The following TPST2 variants were observed in gnomAD, a reference collection of about 807,000 sequenced individuals.
The protein encoded by TPST2 is tyrosylprotein sulfotransferase 2.
A neutral mutation model predicts 27.8 loss-of-function variants in TPST2; 16 were observed. The ratio of observed to expected loss-of-function variants is 0.58; its 90% CI spans 0.39 to 0.88. TPST2 has a LOEUF of 0.88. Ranked by LOEUF, TPST2 falls within the 40% of genes least tolerant of loss-of-function variation. The probability of loss-of-function intolerance (pLI) is 0.00; values close to 1 mark genes in which losing one functional copy is unlikely to be tolerated. For missense variants in TPST2, 464 were observed against 543.1 expected (o/e 0.85, Z 1.45); for synonymous variants, 229 against 231.7 (o/e 0.99, Z 0.10).
chr22:26,570,063 GAAGGAAAGAAAGAAA>G, intron 1 of TPST2, among the ~76,000 whole-genome samples: 1 of 142,284 alleles, frequency 7.0e-6, no homozygotes, highest in African/African-American at 2.6e-5. Context: ...AAGAAAGAAA[GAAGGAAAGAAAGAAA>G]GAAAGAAAAG....
intron 1 of TPST2, among the ~76,000 whole-genome samples, chr22:26,545,642 C>T (rs1926076829): frequency 6.6e-6 from 1 of 152,204 alleles, no homozygotes; most frequent in African/African-American, 2.4e-5. Flanking sequence ...CCTGTCAGTC[C>T]TGTTTCAGGA....
intron 1 of TPST2, among the ~76,000 whole-genome samples, chr22:26,574,783 G>C (rs1291209941): frequency 6.6e-6 from 1 of 152,004 alleles, no homozygotes; most frequent in Non-Finnish European, 1.5e-5. Context: ...CCCAACCATG[G>C]GCTGCACTGT....
At chr22:26,547,676 G>C (rs556263562) in intron 1 of TPST2, 20 of 152,286 alleles carry the variant, frequency 1.3e-4, no homozygotes, top group African/African-American at 3.4e-4. Flanking sequence ...AACCAAGCAG[G>C]GGGTGGTGCA....
At position 26,523,773 on chromosome 22, in the gene TPST2, G is replaced by C. The variant is rs1924679756; in HGVS notation, c.*2502C>G. 1 of 152,058 alleles carries C rather than the reference G, an allele frequency of 6.6e-6. No homozygotes were observed. 9.4% of individuals were successfully genotyped at this position (152,058 alleles called of 1,614,324 possible). On this transcript the variant is annotated 3_prime_UTR_variant, in exon 7 of 7. Coordinates refer to ENST00000338754, the MANE Select transcript of TPST2 (RefSeq NM_003595.5). ...CTAATTTTTGTATTTTTAGTAGATG[G>C]GGTTTCGCCACGTTGGCCAGGCTGG...
At chr22:26,578,872 G>A (rs960942340) in intron 1 of TPST2, among the ~76,000 whole-genome samples, 1 of 143,808 alleles carries the variant, frequency 7.0e-6, no homozygotes, top group African/African-American at 2.6e-5. Context: ...TTTTTTTTGA[G>A]ACGGGGTCTC....
intron 4 of TPST2, among the ~76,000 whole-genome samples, chr22:26,533,041 T>C (rs1925255853): frequency 6.6e-6 from 1 of 152,000 alleles, no homozygotes. Context: ...TAGCAAACCA[T>C]GGGAACTGTT....
rs1158056366 is a variant in TPST2 at position 26,523,571 on chromosome 22, TTA to T, written c.*2702_*2703del. On this transcript the variant is annotated 3_prime_UTR_variant, in exon 7 of 7. Transcript: ENST00000338754. ...TAGGGGCTAGAAACAGAAATTGTAT[TTA>T]TTTTATTTTGTTTTATTTATTTTAT... The T allele has an allele frequency of 6.6e-6, 1 of 152,038 alleles. No individual in the cohort carries two copies. Among genetic ancestry groups the T allele is most frequent in the Non-Finnish European group, 1.5e-5 (1 of 68,014 alleles). The allele number at this position is 152,038 out of a possible 1,614,324, so 9.4% of individuals were successfully genotyped here.
chr22:26,589,894 T>A (rs1420163897), intron 1 of TPST2, among the ~76,000 whole-genome samples, 159 bp downstream of exon 1: 1 of 151,638 alleles, frequency 6.6e-6, no homozygotes, highest in Non-Finnish European at 1.5e-5. Flanking sequence ...GCCTCCCAGA[T>A]CCCAGCTCCC....
At chr22:26,577,460 T>C (rs1241177103) in intron 1 of TPST2, among the ~76,000 whole-genome samples, 1 of 151,764 alleles carries the variant, frequency 6.6e-6, no homozygotes, top group East Asian at 1.9e-4. Flanking sequence ...TTCTCCTGCC[T>C]CATCCTCCCG....
intron 4 of TPST2, 77 bp downstream of exon 4, chr22:26,536,210 AG>A: frequency 6.7e-7 from 1 of 1,497,680 alleles, no homozygotes; most frequent in Non-Finnish European, 9.2e-7. Flanking sequence ...ACATTTCCTC[AG>A]GTGGCTGGAG....
rs1210878340 is a variant in TPST2 at position 26,560,902 on chromosome 22, C to T, written c.-160-16227G>A. On this transcript the variant is annotated intron_variant, in intron 1 of 6. Coordinates refer to ENST00000338754, the MANE Select transcript of TPST2 (RefSeq NM_003595.5). ...CCTGGCCTGTCCATTGGTGATGTTG[C>T]GAAGAAACTGGGAGAGATGTGGAAT... 1.3e-5 allele frequency: 21 copies of T among 1,603,974 alleles called. No individual in the cohort carries two copies. In the Admixed American group the frequency reaches 1.5e-4, roughly 11 times the overall value.
Position 26,538,548 on chromosome 22 carries a change from G to A in TPST2, c.843-2062C>T, listed in dbSNP as rs114046103. On this transcript the variant is annotated intron_variant, in intron 3 of 6. Coordinates refer to ENST00000338754, the MANE Select transcript of TPST2 (RefSeq NM_003595.5). ...TTCAAAATGATGCTGCAGGTCAGGC[G>A]CGGTGGCTCATGCCTGTAATCCCAG... 7.3e-3 allele frequency among the ~76,000 whole-genome samples: 1,114 copies of A among 152,346 alleles called. 15 individuals are homozygous for A. The highest frequency in any genetic ancestry group is 0.024 in the African/African-American group (996 of 41,582).
chr22:26,568,968 A>G lies in TPST2; in HGVS notation c.-161+21085T>C, dbSNP rs190848578. Among the ~76,000 whole-genome samples, 258 of 143,110 alleles carry G rather than the reference A, an allele frequency of 1.8e-3. 3 individuals are homozygous for G. Among genetic ancestry groups the G allele is most frequent in the African/African-American group, 6.4e-3 (244 of 37,944 alleles). 93.9% of individuals were successfully genotyped at this position (143,110 alleles called of 152,430 possible). On this transcript the variant is annotated intron_variant, in intron 1 of 6. Coordinates refer to ENST00000338754, the MANE Select transcript of TPST2 (RefSeq NM_003595.5). Reference sequence around the variant, plus strand: ...AAGCTCCGCCTCCTGGGTTCACGCCATTCTCCTGCCTCAGCCTCCCGAGTA... The same window carrying G: ...AAGCTCCGCCTCCTGGGTTCACGCCGTTCTCCTGCCTCAGCCTCCCGAGTA...
intron 3 of TPST2, among the ~76,000 whole-genome samples, chr22:26,538,853 C>T (rs1925633333): frequency 6.6e-6 from 1 of 152,132 alleles, no homozygotes; most frequent in Admixed American, 6.5e-5. Flanking sequence ...AATGCTGCTA[C>T]CAAAGAGTGC....
intron 5 of TPST2, among the ~76,000 whole-genome samples, chr22:26,531,503 C>T (rs1370963478): frequency 6.6e-6 from 1 of 152,208 alleles, no homozygotes; most frequent in Non-Finnish European, 1.5e-5. Context: ...CCAGAGGTTT[C>T]GGCCACACTC....
intron 1 of TPST2, among the ~76,000 whole-genome samples, chr22:26,548,018 T>C (rs992905454): frequency 2.0e-5 from 3 of 152,210 alleles, no homozygotes; most frequent in African/African-American, 7.2e-5. Flanking sequence ...CACCAGCTAC[T>C]GGCTGAAGGA....
intron 1 of TPST2, chr22:26,560,997 G>C: frequency 6.2e-7 from 1 of 1,608,398 alleles, no homozygotes; most frequent in Non-Finnish European, 8.5e-7. Flanking sequence ...ATACGAAAAG[G>C]ATATTGCTGC....
At chr22:26,572,073 G>A (rs1271386976) in intron 1 of TPST2, among the ~76,000 whole-genome samples, 1 of 152,154 alleles carries the variant, frequency 6.6e-6, no homozygotes, top group Non-Finnish European at 1.5e-5. Flanking sequence ...CCAGCCCCAT[G>A]GACCTTCTAT....
chr22:26,562,876 G>T (rs1199995248), intron 1 of TPST2, among the ~76,000 whole-genome samples: 1 of 152,134 alleles, frequency 6.6e-6, no homozygotes, highest in Non-Finnish European at 1.5e-5. Context: ...GCCCGCCTCG[G>T]CCTCCCAAAG....
Sources: allele counts gnomAD v4.1 joint callset (sites outside exome capture counted in the v4.1 genomes callset), GRCh38; gene constraint gnomAD v4.1.1; transcripts MANE v1.5; gene names NCBI Gene and HGNC (gene_info 2026-07-23, HGNC 2026-07-21).